Variants in SH3KBP1 observed in about 807,000 individuals in gnomAD.
SH3KBP1 encodes the protein SH3 domain-containing kinase-binding protein 1.
A neutral mutation model predicts 50.1 loss-of-function variants in SH3KBP1; 8 were observed. The observed-to-expected ratio is 0.16, with a 90% CI of 0.09 to 0.29. The LOEUF (loss-of-function observed/expected upper bound fraction) is 0.29, where lower values mean the gene tolerates loss of function less well. SH3KBP1 is among the 10% of genes least tolerant of loss of function. SH3KBP1 has a pLI of 1.00. For missense variants in SH3KBP1, 377 were observed against 535.2 expected, an observed-to-expected ratio of 0.70 and a Z score of 2.92; for synonymous variants, 227 against 218.6, an observed-to-expected ratio of 1.04 and a Z score of -0.34.
At chrX:19,698,969 T>A in intron 4 of SH3KBP1, among the ~76,000 whole-genome samples, 1 of 111,979 alleles carries the variant, frequency 8.9e-6, no homozygotes, top group South Asian at 3.7e-4. Flanking sequence ...GAGCCCTGAT[T>A]TCCCCCACAG....
rs554802524 is a variant in SH3KBP1 at position 19,687,514 on chromosome X, C to T, written c.521-3486G>A. ...CTTGGATCAGAAATTCACACAGACACTTGGCATAAGCATGAGCAGCTCAGG... is the reference window on the plus strand; with the variant it reads ...CTTGGATCAGAAATTCACACAGACATTTGGCATAAGCATGAGCAGCTCAGG... On this transcript the variant is annotated intron_variant, in intron 5 of 17. Transcript: ENST00000397821. 111 of 634,398 alleles carry T rather than the reference C, an allele frequency of 1.7e-4. No individual in the cohort carries two copies. The South Asian group carries it at 2.6e-3, about 15-fold the overall frequency. The allele number at this position is 634,398 out of a possible 1,213,427, so 52.3% of individuals were successfully genotyped here.
At chrX:19,754,102 A>T (rs1485674921) in intron 2 of SH3KBP1, among the ~76,000 whole-genome samples, 2 of 112,594 alleles carry the variant, frequency 1.8e-5, no homozygotes, top group Non-Finnish European at 3.7e-5. Flanking sequence ...CATATTTGCA[A>T]TATCATATAC....
At chrX:19,747,572 C>A (rs1046690320) in intron 2 of SH3KBP1, 3 of 336,507 alleles carry the variant, frequency 8.9e-6, no homozygotes, top group African/African-American at 8.0e-5. Context: ...TAGGCCCGAG[C>A]AGAGGGCAGA....
At chrX:19,708,581 A>G (rs2063707022) in intron 3 of SH3KBP1, among the ~76,000 whole-genome samples, 1 of 111,299 alleles carries the variant, frequency 9.0e-6, no homozygotes, top group South Asian at 3.8e-4. Flanking sequence ...CGCCACCACT[A>G]TACCATGGCT....
intron 2 of SH3KBP1, among the ~76,000 whole-genome samples, chrX:19,778,691 G>A (rs191700754): frequency 8.1e-5 from 9 of 110,597 alleles, no homozygotes; most frequent in African/African-American, 2.6e-4. Flanking sequence ...GGAAGGTATC[G>A]TCACTCCCAT....
At chrX:19,878,153 T>A (rs1386290376) in intron 1 of SH3KBP1, among the ~76,000 whole-genome samples, 1 of 111,984 alleles carries the variant, frequency 8.9e-6, no homozygotes, top group African/African-American at 3.2e-5. Flanking sequence ...ATGATCAAGT[T>A]GAAAACCAAG....
intron 2 of SH3KBP1, among the ~76,000 whole-genome samples, chrX:19,789,097 C>T: frequency 9.0e-6 from 1 of 111,519 alleles, no homozygotes; most frequent in Admixed American, 9.4e-5. Context: ...GCACTCTAGC[C>T]TGGGTGATAC....
chrX:19,681,204 T>A (rs772932629), intron 6 of SH3KBP1, among the ~76,000 whole-genome samples: 1 of 112,204 alleles, frequency 8.9e-6, no homozygotes, highest in Non-Finnish European at 1.9e-5. Flanking sequence ...GGATTAGGGA[T>A]GTTCAACGCA....
intron 1 of SH3KBP1, among the ~76,000 whole-genome samples, chrX:19,836,997 C>T (rs2068077850): frequency 1.8e-5 from 2 of 112,056 alleles, no homozygotes; most frequent in African/African-American, 6.5e-5. Context: ...TGTTAAGTTT[C>T]CTGAGGCCTC....
rs763795790 is a variant in SH3KBP1 at position 19,848,221 on chromosome X, C to A, written c.5-11939G>T. On this transcript the variant is annotated intron_variant, in intron 1 of 17. Coordinates refer to ENST00000397821, the MANE Select transcript of SH3KBP1 (RefSeq NM_031892.3). ...CTTAGATAAATGGCTGATTTCATTT[C>A]TGGGGCAGGAAAGGTGATAAGCCTG... is the stretch of plus-strand genomic sequence containing the variant. Among the ~76,000 whole-genome samples the A allele has an allele frequency of 6.3e-5, 7 of 111,668 alleles. No homozygotes were observed. The East Asian group carries it at 2.0e-3, about 31-fold the overall frequency.
chrX:19,631,266 A>G (rs2061568074), intron 8 of SH3KBP1, among the ~76,000 whole-genome samples: 1 of 112,844 alleles, frequency 8.9e-6, no homozygotes, highest in Non-Finnish European at 1.9e-5. Context: ...GGTGAGTACC[A>G]TTGTGTGAAA....
intron 13 of SH3KBP1, among the ~76,000 whole-genome samples, chrX:19,558,829 CAG>C (rs759345665): frequency 5.3e-4 from 59 of 111,872 alleles, no homozygotes; most frequent in African/African-American, 1.9e-3. Context: ...CATGACAAAA[CAG>C]AATTTTATTG....
At chrX:19,601,549 G>C (rs374223680) in intron 9 of SH3KBP1, 16 of 111,934 alleles carry the variant, frequency 1.4e-4, no homozygotes, top group African/African-American at 4.9e-4. Context: ...AATATGGTGA[G>C]GTTCTGGAAG....
chrX:19,887,034 C>T (rs1027560671), intron 1 of SH3KBP1, among the ~76,000 whole-genome samples: 4 of 111,872 alleles, frequency 3.6e-5, no homozygotes, highest in African/African-American at 1.3e-4. Flanking sequence ...ACCACACCCC[C>T]TGCATCCCTC....
chrX:19,586,462 C>T (rs1016482673), intron 12 of SH3KBP1, among the ~76,000 whole-genome samples: 1 of 112,312 alleles, frequency 8.9e-6, no homozygotes, highest in African/African-American at 3.2e-5. Context: ...GTATTCTTTT[C>T]GGAAGCACTT....
At chrX:19,561,625 G>C (rs969489145) in intron 13 of SH3KBP1, among the ~76,000 whole-genome samples, 3 of 111,171 alleles carry the variant, frequency 2.7e-5, no homozygotes, top group African/African-American at 9.8e-5. Context: ...ACTGGCACGT[G>C]TCTGCGCCAA....
intron 9 of SH3KBP1, among the ~76,000 whole-genome samples, chrX:19,606,968 A>G (rs1024952685): frequency 1.8e-5 from 2 of 112,922 alleles, no homozygotes; most frequent in Non-Finnish European, 3.7e-5. Flanking sequence ...TAGCCTTTAA[A>G]CCAACCTAAT....
At chrX:19,640,085 A>G (rs1038296135) in intron 7 of SH3KBP1, among the ~76,000 whole-genome samples, 3 of 110,786 alleles carry the variant, frequency 2.7e-5, no homozygotes, top group African/African-American at 9.9e-5. Context: ...CAGTAGTTGC[A>G]AAGTGTCCTT....
At chrX:19,609,997 C>G (rs1261774599) in intron 8 of SH3KBP1, among the ~76,000 whole-genome samples, 2 of 111,572 alleles carry the variant, frequency 1.8e-5, no homozygotes, top group African/African-American at 3.3e-5. Context: ...CCAGTGGTAT[C>G]TGTTACAAAG....
Sources: gnomAD v4.1 joint callset for allele counts (sites outside exome capture counted in the v4.1 genomes callset) on GRCh38, gnomAD v4.1.1 for gene constraint, MANE v1.5 for transcripts, NCBI Gene and HGNC (gene_info 2026-07-23, HGNC 2026-07-21) for gene names.